Variants in CD84 observed in about 807,000 individuals in gnomAD.
CD84 encodes SLAM family member 5.
A neutral mutation model predicts 33.8 loss-of-function variants in CD84; 22 were observed. The ratio of observed to expected loss-of-function variants is 0.65; its 90% CI spans 0.46 to 0.93. CD84 has a LOEUF of 0.93. Among genes scored for constraint, CD84 ranks in the 40% least tolerant of loss-of-function variants. The probability of loss-of-function intolerance (pLI) is 0.00; values close to 1 mark genes in which losing one functional copy is unlikely to be tolerated. For missense variants in CD84, 400 were observed against 397.6 expected (o/e 1.01, Z -0.05); for synonymous variants, 154 against 145.2 (o/e 1.06, Z -0.44).
At chr1:160,552,847 G>A (rs1025835369) in intron 4 of CD84, 424 of 761,462 alleles carry the variant, frequency 5.6e-4, no homozygotes, top group Non-Finnish European at 1.3e-4. Context: ...GGATGTGGGT[G>A]AATCGGAGGG....
intron 1 of CD84, among the ~76,000 whole-genome samples, chr1:160,567,394 T>G (rs1295758789): frequency 1.3e-5 from 2 of 152,162 alleles, no homozygotes; most frequent in African/African-American, 4.8e-5. Context: ...ACAGAGATTT[T>G]CCCGTAGGAG....
intron 2 of CD84, among the ~76,000 whole-genome samples, chr1:160,557,292 T>TTTGTGA (rs1165155363): frequency 6.6e-6 from 1 of 152,250 alleles, no homozygotes; most frequent in Non-Finnish European, 1.5e-5. Context: ...AATCATCTTA[T>TTTGTGA]ATTAATCGAA....
At chr1:160,560,146 T>C (rs1266518080) in intron 2 of CD84, among the ~76,000 whole-genome samples, 3 of 152,108 alleles carry the variant, frequency 2.0e-5, no homozygotes, top group Non-Finnish European at 2.9e-5. Flanking sequence ...CAAGTATACC[T>C]GTAGACCTCT....
chr1:160,553,398 C>A lies in CD84; in HGVS notation c.740G>T (p.Arg247Leu), dbSNP rs144013322. 3 of 1,613,962 alleles carry A rather than the reference C, an allele frequency of 1.9e-6. No homozygotes were observed. The African/African-American group carries it at 4.0e-5, about 22-fold the overall frequency. Residue 247 changes from arginine to leucine, a missense_variant, in exon 4 of 7, where the codon CGT (arginine) becomes CTT (leucine). Physicochemically the swap from Arg to Leu is moderately radical, Grantham distance 102. Coordinates refer to ENST00000368054, the MANE Select transcript of CD84 (RefSeq NM_003874.4). The part of the protein sequence containing the change: ...VLILSSVFLF[R>L]LFKRRQDAAS... ...CCTACCTTGTCTTCTCTTGAACAAACGGAACAAAAACACTGAAGACAGAAT... is the reference window on the plus strand; with the variant it reads ...CCTACCTTGTCTTCTCTTGAACAAAAGGAACAAAAACACTGAAGACAGAAT...
rs1196008911 is a variant in CD84, at chr1:160,579,477, T to A, written c.-40A>T. On this transcript the variant is annotated 5_prime_UTR_variant, in exon 1 of 7. Coordinates refer to ENST00000368054, the MANE Select transcript of CD84 (RefSeq NM_003874.4). ...AACCTTCTGTGGAAAAGCACGGCAC[T>A]GTTCTAGCAGAGTCAGTTTCACTTG... 6.8e-6 allele frequency: 11 copies of A among 1,611,812 alleles called. No individual in the cohort carries two copies. Among genetic ancestry groups the A allele is most frequent in the Non-Finnish European group, 6.8e-6 (8 of 1,178,660 alleles).
chr1:160,557,413 G>A lies in CD84; in HGVS notation c.389-3267C>T, dbSNP rs77425720. Among the ~76,000 whole-genome samples, 29 of 152,308 alleles carry A rather than the reference G, an allele frequency of 1.9e-4. No individual in the cohort carries two copies. In the East Asian group the frequency reaches 5.4e-3, roughly 28 times the overall value. ...ATGTACCTGATGATGTTGGTGCTGG[G>A]AATACAGTGATAAACAATATACAAA... is the stretch of plus-strand genomic sequence containing the variant. On this transcript the variant is annotated intron_variant, in intron 2 of 6. Transcript: ENST00000368054.
chr1:160,566,638 A>G (rs1657344479), intron 1 of CD84, among the ~76,000 whole-genome samples: 1 of 152,226 alleles, frequency 6.6e-6, no homozygotes, highest in Non-Finnish European at 1.5e-5. Context: ...TTGCTCTTTG[A>G]GACTTACAAT....
intron 2 of CD84, among the ~76,000 whole-genome samples, chr1:160,562,939 A>C (rs1023452105): frequency 5.9e-5 from 9 of 152,220 alleles, no homozygotes; most frequent in Admixed American, 3.3e-4. Context: ...AACCATGAAC[A>C]GACACTTCTC....
At chr1:160,576,454 G>A (rs182521490) in intron 1 of CD84, among the ~76,000 whole-genome samples, 20 of 152,282 alleles carry the variant, frequency 1.3e-4, no homozygotes, top group Admixed American at 6.5e-5. Context: ...CTAAACTTCC[G>A]TTATTGGCAA....
chr1:160,574,787 G>T (rs755270584), intron 1 of CD84, among the ~76,000 whole-genome samples: 3 of 152,114 alleles, frequency 2.0e-5, no homozygotes, highest in Non-Finnish European at 4.4e-5. Flanking sequence ...TAGCACATTG[G>T]TGAAGGTAAT....
chr1:160,579,249 G>T, intron 1 of CD84, 143 bp downstream of exon 1: 1 of 1,037,146 alleles, frequency 9.6e-7, no homozygotes, highest in Non-Finnish European at 1.4e-6. Context: ...CCAGCCAGTT[G>T]GATCCTGTTG....
At position 160,543,393 on chromosome 1, in the gene CD84, A is replaced by G. The variant is rs1503859; in HGVS notation, c.*4863T>C. The G allele has an allele frequency of 0.85, 128,596 of 152,048 alleles. 55,138 individuals are homozygous for G. Among genetic ancestry groups the G allele is most frequent in the Non-Finnish European group, 0.93 (63,310 of 68,024 alleles). The allele number at this position is 152,048 out of a possible 1,614,324, so 9.4% of individuals were successfully genotyped here. A position where few individuals can be genotyped will look rare whatever the true frequency, so the allele number is the denominator to read the frequency against. ...GGCCCTTGGTGACAAGAAGTCTTGA[A>G]TTCAAATACTGTCTTCCCAGCTTTC... On this transcript the variant is annotated 3_prime_UTR_variant, in exon 7 of 7. Transcript: ENST00000368054.
At chr1:160,569,609 G>C (rs950318862) in intron 1 of CD84, among the ~76,000 whole-genome samples, 3 of 152,058 alleles carry the variant, frequency 2.0e-5, no homozygotes, top group Non-Finnish European at 2.9e-5. Context: ...ATAAATTCAA[G>C]TGAATGGTAG....
intron 1 of CD84, among the ~76,000 whole-genome samples, chr1:160,569,534 ACACACACGCACGCACGCACG>A (rs1657552998): frequency 1.1e-5 from 1 of 87,658 alleles, no homozygotes; most frequent in African/African-American, 3.7e-5. Flanking sequence ...ACACACACAC[ACACACACGCACGCACGCACG>A]CACGCACACA....
chr1:160,565,334 A>C, intron 2 of CD84, 70 bp downstream of exon 2: 1 of 1,136,476 alleles, frequency 8.8e-7, no homozygotes, highest in Non-Finnish European at 1.3e-6. Flanking sequence ...TCAGAAATGT[A>C]GATGTGTTTC....
intron 6 of CD84, among the ~76,000 whole-genome samples, chr1:160,548,532 ATTAAC>A (rs1441982565): frequency 6.6e-6 from 1 of 152,140 alleles, no homozygotes; most frequent in African/African-American, 2.4e-5. Flanking sequence ...GCCCTGAGCA[ATTAAC>A]TTCTTAGCCC....
rs1426601333 is a variant in CD84 at position 160,550,919 on chromosome 1, A to G, written c.858+19T>C. 5.0e-6 allele frequency: 8 copies of G among 1,611,580 alleles called. No individual in the cohort carries two copies. The highest frequency in any genetic ancestry group is 4.0e-5 in the African/African-American group (3 of 74,984). ...TGGAGATGGTGGCACAGGGGTGTCC[A>G]TGAATTGCATCAGCTCACCTTGGAC... is the stretch of plus-strand genomic sequence containing the variant. On this transcript the variant is annotated intron_variant, in intron 5 of 6. Transcript: ENST00000368054.
chr1:160,566,597 A>G (rs1657342451), intron 1 of CD84, among the ~76,000 whole-genome samples: 1 of 152,226 alleles, frequency 6.6e-6, no homozygotes, highest in African/African-American at 2.4e-5. Context: ...GGAGCTGAGG[A>G]TACAACGGCG....
intron 2 of CD84, among the ~76,000 whole-genome samples, chr1:160,555,914 T>C (rs1187387646): frequency 1.3e-5 from 2 of 152,230 alleles, no homozygotes; most frequent in Non-Finnish European, 2.9e-5. Context: ...AACAATCTTT[T>C]AGAGGGATCT....
Sources: gnomAD v4.1 joint callset for allele counts (sites outside exome capture counted in the v4.1 genomes callset) on GRCh38, gnomAD v4.1.1 for gene constraint, MANE v1.5 for transcripts, NCBI Gene and HGNC (gene_info 2026-07-23, HGNC 2026-07-21) for gene names.